Variants in CHSY3 observed in about 807,000 individuals in gnomAD.
The protein encoded by CHSY3 is N-acetylgalactosaminyl-proteoglycan 3-beta-glucuronosyltransferase 3.
In CHSY3, 35 loss-of-function variants were observed where a neutral mutation model predicts 67.2. That is an observed-to-expected ratio of 0.52 (90% CI 0.40 to 0.69). The LOEUF (loss-of-function observed/expected upper bound fraction) is 0.69, where lower values mean the gene tolerates loss of function less well. CHSY3 is among the 30% of genes least tolerant of loss of function. The pLI is 0.00. For synonymous variants in CHSY3, 474 were observed against 434.7 expected, an observed-to-expected ratio of 1.09 and a Z score of -1.12; for missense variants, 1,069 against 1,138.5, an observed-to-expected ratio of 0.94 and a Z score of 0.88.
chr5:130,016,126 GTGTACTATGGTC>G (rs1289622411), intron 2 of CHSY3, among the ~76,000 whole-genome samples: 1 of 152,198 alleles, frequency 6.6e-6, no homozygotes, highest in Non-Finnish European at 1.5e-5. Context: ...ACTGCCTGTT[GTGTACTATGGTC>G]TCTACCTGGT....
chr5:129,963,281 C>G (rs1306895086), intron 2 of CHSY3, among the ~76,000 whole-genome samples: 1 of 151,934 alleles, frequency 6.6e-6, no homozygotes. Context: ...CATCTACTAC[C>G]TTGGTTGATA....
At chr5:130,157,603 C>T (rs116059333) in intron 2 of CHSY3, among the ~76,000 whole-genome samples, 123 of 152,260 alleles carry the variant, frequency 8.1e-4, no homozygotes, top group Non-Finnish European at 1.4e-3. Context: ...AAGAGTCAAC[C>T]GAACAGAGAG....
At chr5:130,006,881 A>G (rs1763892607) in intron 2 of CHSY3, among the ~76,000 whole-genome samples, 1 of 152,230 alleles carries the variant, frequency 6.6e-6, no homozygotes, top group Non-Finnish European at 1.5e-5. Context: ...GATGACTAAG[A>G]AAATCAGTTG....
intron 2 of CHSY3, among the ~76,000 whole-genome samples, chr5:130,143,081 G>A (rs1037631145): frequency 2.2e-4 from 34 of 152,268 alleles, no homozygotes; most frequent in African/African-American, 7.9e-4. Flanking sequence ...TAGCATTTCA[G>A]TGTATCTATT....
intron 2 of CHSY3, among the ~76,000 whole-genome samples, chr5:129,994,494 T>C (rs938172823): frequency 3.9e-5 from 6 of 152,162 alleles, no homozygotes; most frequent in African/African-American, 9.6e-5. Context: ...TTTCTTCCAG[T>C]TGATCGCATC....
intron 2 of CHSY3, among the ~76,000 whole-genome samples, chr5:129,981,432 G>A (rs1394559355): frequency 6.6e-6 from 1 of 151,712 alleles, no homozygotes; most frequent in African/African-American, 2.4e-5. Flanking sequence ...AGTATTTTTG[G>A]ACTTTCTGCA....
chr5:130,008,019 C>G lies in CHSY3; in HGVS notation c.1086+99659C>G, dbSNP rs770974748. Among the ~76,000 whole-genome samples the G allele has an allele frequency of 6.9e-4, 105 of 152,216 alleles. 1 individual carries two copies. The highest frequency in any genetic ancestry group is 8.5e-4 in the Non-Finnish European group (58 of 68,030). On this transcript the variant is annotated intron_variant, in intron 2 of 2. Transcript: ENST00000305031. ...ATGGGCCCCAGCCAGTGTGTAACCA[C>G]ATGCAGCCTCCCCCACACCACTTTG... is the stretch of plus-strand genomic sequence containing the variant.
chr5:130,072,264 T>G (rs577692263), intron 2 of CHSY3, among the ~76,000 whole-genome samples: 31 of 152,286 alleles, frequency 2.0e-4, no homozygotes, highest in Non-Finnish European at 7.4e-5. Context: ...TGCTTTCTCC[T>G]TATAGCTTTA....
chr5:130,173,206 A>C (rs1031474261), intron 2 of CHSY3, among the ~76,000 whole-genome samples: 1 of 152,140 alleles, frequency 6.6e-6, no homozygotes, highest in African/African-American at 2.4e-5. Flanking sequence ...ACTGCTACTA[A>C]TACATTTGGG....
intron 2 of CHSY3, among the ~76,000 whole-genome samples, chr5:130,006,677 T>C (rs1222992385): frequency 1.3e-5 from 2 of 152,226 alleles, no homozygotes; most frequent in East Asian, 3.8e-4. Context: ...AATAATATGA[T>C]ATTTTTAAGA....
In CHSY3 at chr5:130,166,526, C is replaced by T. The variant is rs146888063; in HGVS notation, c.1087-17703C>T. On this transcript the variant is annotated intron_variant, in intron 2 of 2. Coordinates refer to ENST00000305031, the MANE Select transcript of CHSY3 (RefSeq NM_175856.5). Reference sequence around the variant, plus strand: ...ACTCAAGTCCTTGTATCTTCATTTCCGGAAAACTTGACTTTAAAAAGATTA... The same window carrying T: ...ACTCAAGTCCTTGTATCTTCATTTCTGGAAAACTTGACTTTAAAAAGATTA... Among the ~76,000 whole-genome samples, 623 of 152,138 alleles carry T rather than the reference C, an allele frequency of 4.1e-3. 7 individuals carry two copies. Among genetic ancestry groups the T allele is most frequent in the South Asian group, 0.035 (169 of 4,814 alleles).
intron 2 of CHSY3, among the ~76,000 whole-genome samples, chr5:129,954,912 A>G (rs1436533180): frequency 1.3e-5 from 2 of 152,054 alleles, no homozygotes; most frequent in African/African-American, 4.8e-5. Context: ...TCTGCCACCC[A>G]GGCTGCAGTG....
chr5:130,047,837 T>A (rs955376305), intron 2 of CHSY3, among the ~76,000 whole-genome samples: 10 of 152,172 alleles, frequency 6.6e-5, no homozygotes, highest in South Asian at 6.2e-4. Flanking sequence ...TTTTAACGAA[T>A]TTTGTTAATT....
chr5:130,087,403 A>G (rs1347267441), intron 2 of CHSY3, among the ~76,000 whole-genome samples: 1 of 152,148 alleles, frequency 6.6e-6, no homozygotes, highest in Non-Finnish European at 1.5e-5. Context: ...AAGGTATTCA[A>G]TTAGGAAAAG....
At chr5:129,974,055 T>A (rs189201645) in intron 2 of CHSY3, among the ~76,000 whole-genome samples, 4 of 152,258 alleles carry the variant, frequency 2.6e-5, no homozygotes, top group African/African-American at 7.2e-5. Flanking sequence ...TCTCTATAAT[T>A]GTAAAAATAG....
chr5:129,970,777 C>G (rs539203032), intron 2 of CHSY3, among the ~76,000 whole-genome samples: 5 of 151,922 alleles, frequency 3.3e-5, no homozygotes, highest in African/African-American at 1.2e-4. Context: ...ACCAGCTACT[C>G]TAGGCTATAA....
intron 2 of CHSY3, among the ~76,000 whole-genome samples, chr5:130,077,677 A>G (rs1257591245): frequency 6.6e-6 from 1 of 152,088 alleles, no homozygotes; most frequent in Non-Finnish European, 1.5e-5. Context: ...TGAACTTATC[A>G]GAGAAGTCTG....
At chr5:129,990,960 C>A (rs1036666106) in intron 2 of CHSY3, among the ~76,000 whole-genome samples, 1 of 151,930 alleles carries the variant, frequency 6.6e-6, no homozygotes, top group African/African-American at 2.4e-5. Context: ...TAGGATAAGA[C>A]CTAGGTGTCA....
chr5:129,920,402 C>T (rs1304605412), intron 2 of CHSY3, among the ~76,000 whole-genome samples: 1 of 152,154 alleles, frequency 6.6e-6, no homozygotes, highest in Non-Finnish European at 1.5e-5. Context: ...TGCGCCACTA[C>T]ATCTGACTAA....
Sources: gnomAD v4.1 joint callset for allele counts (sites outside exome capture counted in the v4.1 genomes callset) on GRCh38, gnomAD v4.1.1 for gene constraint, MANE v1.5 for transcripts, NCBI Gene and HGNC (gene_info 2026-07-23, HGNC 2026-07-21) for gene names.